The following CREBL2 variants were observed in gnomAD, a reference collection of about 807,000 sequenced individuals.
The protein encoded by CREBL2 is cAMP responsive element binding protein like 2.
Under a neutral mutation model 19.5 loss-of-function variants are expected in CREBL2, and 4 were observed. The ratio of observed to expected loss-of-function variants is 0.20; its 90% CI spans 0.10 to 0.47. CREBL2 has a LOEUF of 0.47. CREBL2 is among the 20% of genes least tolerant of loss of function. The pLI, the probability that CREBL2 is intolerant of heterozygous loss-of-function variation, is 0.98. For missense variants in CREBL2, 85 were observed against 145.1 expected (o/e 0.59, Z 2.13); for synonymous variants, 42 against 46.6 (o/e 0.90, Z 0.40).
rs559973266 is a variant in CREBL2, at chr12:12,612,258, C to T, written c.15+71C>T. ...TGCTAGTCCCGCGGCTGAACCTCCG[C>T]TATGTAGTCCACGCCAACACCCAAG... On this transcript the variant is annotated intron_variant, in intron 1 of 3. Transcript: ENST00000228865. 5 of 1,611,328 alleles carry T rather than the reference C, an allele frequency of 3.1e-6. No homozygotes were observed. The East Asian group carries it at 6.7e-5, about 22-fold the overall frequency.
chr12:12,621,126 G>A (rs1396824218), intron 1 of CREBL2, among the ~76,000 whole-genome samples: 1 of 152,174 alleles, frequency 6.6e-6, no homozygotes, highest in Non-Finnish European at 1.5e-5. Context: ...CACACCATAT[G>A]GTCTCTGTTG....
chr12:12,612,013 C>G lies in CREBL2; in HGVS notation c.-160C>G. 1 of 857,274 alleles carries G rather than the reference C, an allele frequency of 1.2e-6. No homozygotes were observed. Among genetic ancestry groups the G allele is most frequent in the Non-Finnish European group, 1.8e-6 (1 of 548,274 alleles). The allele number at this position is 857,274 out of a possible 1,614,324, so 53.1% of individuals were successfully genotyped here. On this transcript the variant is annotated 5_prime_UTR_variant, in exon 1 of 4. Coordinates refer to ENST00000228865, the MANE Select transcript of CREBL2 (RefSeq NM_001310.4). ...TGCCATTCCTGAACTGGTCCCTCGT[C>G]CCCGTGACTCTGGCATCAGGGAAGC...
chr12:12,620,336 C>T (rs998914804), intron 1 of CREBL2, among the ~76,000 whole-genome samples: 3 of 151,980 alleles, frequency 2.0e-5, no homozygotes, highest in African/African-American at 4.8e-5. Context: ...CTGGCTCAAG[C>T]GATCCTCCCA....
chr12:12,640,648 T>A (rs983271369), intron 3 of CREBL2, among the ~76,000 whole-genome samples: 1 of 152,202 alleles, frequency 6.6e-6, no homozygotes, highest in African/African-American at 2.4e-5. Flanking sequence ...AAAGTATTAT[T>A]TGGGAGCAGA....
In CREBL2 at chr12:12,635,758, C is replaced by A; in HGVS notation, c.16-19C>A. 6 of 1,589,842 alleles carry A rather than the reference C, an allele frequency of 3.8e-6. No individual in the cohort carries two copies. The highest frequency in any genetic ancestry group is 5.1e-6 in the Non-Finnish European group (6 of 1,167,166). On this transcript the variant is annotated intron_variant, in intron 1 of 3. Coordinates refer to ENST00000228865, the MANE Select transcript of CREBL2 (RefSeq NM_001310.4). ...CACAGAACTAAGGAAAAAATTATTT[C>A]TTCTCTCGCTTGCTGAAGGTGGTTG...
At chr12:12,627,663 A>T (rs1392561402) in intron 1 of CREBL2, among the ~76,000 whole-genome samples, 2 of 152,208 alleles carry the variant, frequency 1.3e-5, no homozygotes, top group African/African-American at 4.8e-5. Flanking sequence ...TTTAGGTATC[A>T]TGAGTAATGG....
At chr12:12,639,757 GA>G (rs1592243047) in intron 3 of CREBL2, among the ~76,000 whole-genome samples, 4 of 152,284 alleles carry the variant, frequency 2.6e-5, no homozygotes, top group African/African-American at 7.2e-5. Flanking sequence ...ACAGTACAAA[GA>G]GAGGAATTTT....
chr12:12,612,443 C>G (rs913174345), intron 1 of CREBL2, among the ~76,000 whole-genome samples: 1 of 152,144 alleles, frequency 6.6e-6, no homozygotes, highest in African/African-American at 2.4e-5. Context: ...TAGTGCAACC[C>G]CTAGTCCTTA....
chr12:12,618,406 G>A (rs1945331259), intron 1 of CREBL2, among the ~76,000 whole-genome samples: 1 of 151,972 alleles, frequency 6.6e-6, no homozygotes, highest in Non-Finnish European at 1.5e-5. Context: ...TCATGGTGGG[G>A]CAGAGGTGCT....
At chr12:12,633,129 G>A (rs893076691) in intron 1 of CREBL2, among the ~76,000 whole-genome samples, 1 of 151,814 alleles carries the variant, frequency 6.6e-6, no homozygotes, top group Non-Finnish European at 1.5e-5. Context: ...TAGAGAAGGG[G>A]TTTCACCATA....
In CREBL2 at chr12:12,644,808, C is replaced by T. The variant is rs1046211297; in HGVS notation, c.*2810C>T. The T allele has an allele frequency of 6.6e-6, 1 of 152,280 alleles. No homozygotes were observed. The highest frequency in any genetic ancestry group is 1.5e-5 in the Non-Finnish European group (1 of 68,012). 9.4% of individuals were successfully genotyped at this position (152,280 alleles called of 1,614,324 possible). ...TATGATCATTTGATTTGGCTAATTACAAAAAGTACAGGTTTAAACTGGACT... is the reference window on the plus strand; with the variant it reads ...TATGATCATTTGATTTGGCTAATTATAAAAAGTACAGGTTTAAACTGGACT... On this transcript the variant is annotated 3_prime_UTR_variant, in exon 4 of 4. Coordinates refer to ENST00000228865, the MANE Select transcript of CREBL2 (RefSeq NM_001310.4).
intron 1 of CREBL2, 47 bp downstream of exon 1, chr12:12,612,234 G>T (rs1213572889): frequency 1.2e-6 from 2 of 1,612,970 alleles, no homozygotes; most frequent in South Asian, 1.1e-5. Context: ...GTCGCTCAAT[G>T]CTAGTCCCGC....
intron 3 of CREBL2, among the ~76,000 whole-genome samples, chr12:12,640,718 C>T (rs553348064): frequency 1.4e-4 from 22 of 152,326 alleles, no homozygotes; most frequent in South Asian, 6.2e-4. Context: ...CGGCTCCAGC[C>T]GGTCCCTCTG....
chr12:12,624,472 G>A (rs576666199), intron 1 of CREBL2, among the ~76,000 whole-genome samples: 55 of 152,244 alleles, frequency 3.6e-4, no homozygotes, highest in African/African-American at 9.4e-4. Flanking sequence ...GACTCACAAC[G>A]GGTGCCTCAT....
rs889578111 is a variant in CREBL2, at chr12:12,634,294, G to C, written c.16-1483G>C. Among the ~76,000 whole-genome samples the C allele has an allele frequency of 2.6e-5, 4 of 152,316 alleles. No homozygotes were observed. In the South Asian group the frequency reaches 8.3e-4, roughly 32 times the overall value. The stretch of plus-strand genomic sequence containing the variant: ...TACATCTTGCATAAAAACTTGGGAA[G>C]GTTTCAAAGCTAAACAATGAAGAAG... On this transcript the variant is annotated intron_variant, in intron 1 of 3. Transcript: ENST00000228865.
intron 1 of CREBL2, among the ~76,000 whole-genome samples, chr12:12,632,068 CTTTTTTTTTTTT>C (rs869253910): frequency 9.9e-5 from 8 of 80,598 alleles, no homozygotes; most frequent in East Asian, 4.4e-4. Context: ...CTATGCCTTT[CTTTTTTTTTTTT>C]TTTTTTTTTT....
chr12:12,612,338 C>T, intron 1 of CREBL2, 151 bp downstream of exon 1: 1 of 1,439,694 alleles, frequency 6.9e-7, no homozygotes, highest in Non-Finnish European at 9.4e-7. Context: ...CGATGGTACC[C>T]AGCCAGGAAA....
chr12:12,622,472 G>A (rs908409973), intron 1 of CREBL2, among the ~76,000 whole-genome samples: 1 of 152,194 alleles, frequency 6.6e-6, no homozygotes, highest in Non-Finnish European at 1.5e-5. Flanking sequence ...AGACAGGGCT[G>A]TTATGCCATC....
intron 1 of CREBL2, among the ~76,000 whole-genome samples, chr12:12,613,432 C>G (rs1801798226): frequency 6.6e-6 from 1 of 152,154 alleles, no homozygotes; most frequent in South Asian, 2.1e-4. Context: ...TTTTTTGCTG[C>G]TGCTGCAGTT....
Sources: allele counts gnomAD v4.1 joint callset (sites outside exome capture counted in the v4.1 genomes callset), GRCh38; gene constraint gnomAD v4.1.1; transcripts MANE v1.5; gene names NCBI Gene and HGNC (gene_info 2026-07-23, HGNC 2026-07-21).